Variants in DHX34 observed in about 807,000 individuals in gnomAD.
DHX34 encodes the protein DExH-box helicase 34, also known as probable ATP-dependent RNA helicase DHX34.
Under a neutral mutation model 111.1 loss-of-function variants are expected in DHX34, and 96 were observed. That is an observed-to-expected ratio of 0.86 (90% confidence interval 0.73 to 1.02). The LOEUF (loss-of-function observed/expected upper bound fraction) is 1.02, where lower values mean the gene tolerates loss of function less well. Ranked by LOEUF, DHX34 falls within the 50% of genes least tolerant of loss-of-function variation. The pLI, the probability that DHX34 is intolerant of heterozygous loss-of-function variation, is 0.00. For missense variants in DHX34, 1,560 were observed against 1,579.9 expected (o/e 0.99, Z 0.21); for synonymous variants, 688 against 670.4 (o/e 1.03, Z -0.41).
chr19:47,364,229 A>G (rs1010263708), intron 6 of DHX34, among the ~76,000 whole-genome samples: 1 of 151,928 alleles, frequency 6.6e-6, no homozygotes, highest in East Asian at 1.9e-4. Context: ...TGCACTCACC[A>G]CTCCTGGTCA....
rs750934101 is a variant in DHX34 at position 47,353,571 on chromosome 19, G to C, written c.541G>C (p.Val181Leu). 4 of 1,613,296 alleles carry C rather than the reference G, an allele frequency of 2.5e-6. No homozygotes were observed. The South Asian group carries it at 4.4e-5, about 18-fold the overall frequency. The change falls in exon 2 of 17, where the codon GTG becomes CTG. Residue 181 changes from valine (V) to leucine (L), a missense_variant. Val to Leu is a conservative substitution (Grantham distance 32). Coordinates refer to ENST00000328771, the MANE Select transcript of DHX34 (RefSeq NM_014681.6). The surrounding 1 kb of genome is among the most constrained non-coding windows in gnomAD (Gnocchi z 4.6). ...ILQTLKEHQV[V>L]VVAGDTGCGK... ...GCAGACGCTGAAGGAGCACCAGGTG[G>C]TGGTAGTGGCCGGTGACACCGGCTG...
chr19:47,362,591 C>CGGAGTCT lies in DHX34; in HGVS notation c.1493_1499dup (p.Cys500TrpfsTer13). 1 of 1,613,798 alleles carries CGGAGTCT rather than the reference C, an allele frequency of 6.2e-7. No homozygotes were observed. Among genetic ancestry groups the CGGAGTCT allele is most frequent in the South Asian group, 1.1e-5 (1 of 91,058 alleles). ...AGGGCCGGGCGGGCCGCACGGGCCC[C>CGGAGTCT]GGAGTCTGCTTCCGCCTCTATGCCG... On this transcript the variant is annotated frameshift_variant, in exon 6 of 17. Transcript: ENST00000328771. LOFTEE classifies it high-confidence loss of function.
chr19:47,361,037 G>A (rs887363980), intron 5 of DHX34, among the ~76,000 whole-genome samples: 3 of 152,176 alleles, frequency 2.0e-5, no homozygotes, highest in Non-Finnish European at 2.9e-5. Context: ...TGTTCTCTGG[G>A]AAGTCAGCAT....
At chr19:47,356,637 AAAAAGAAAG>A (rs1421064277) in intron 3 of DHX34, among the ~76,000 whole-genome samples, 2 of 151,642 alleles carry the variant, frequency 1.3e-5, no homozygotes, top group Non-Finnish European at 2.9e-5. Context: ...CAAAAAAAAA[AAAAAGAAAG>A]AAAAGAAAGA....
At chr19:47,374,021 C>T (rs561803254) in intron 9 of DHX34, among the ~76,000 whole-genome samples, 1 of 152,294 alleles carries the variant, frequency 6.6e-6, no homozygotes, top group African/African-American at 2.4e-5. Context: ...GGTTGGCCGG[C>T]ACATCTGGAG....
rs147969937 is a variant in DHX34, at chr19:47,358,028, G to A, written c.1180G>A (p.Val394Met). ...CAGCGGCATGGCGGAGATCAGCGCC[G>A]TGCTGGAGGCTGCCCAGACCTATGC... is the stretch of plus-strand genomic sequence containing the variant. ...FLSGMAEISA[V>M]LEAAQTYASH... The change falls in exon 4 of 17, where the codon GTG (valine) becomes ATG (methionine). Residue 394 changes from valine (V) to methionine (M), a missense_variant. Transcript: ENST00000328771. 112 of 1,613,470 alleles carry A rather than the reference G, an allele frequency of 6.9e-5. No individual in the cohort carries two copies. The African/African-American group carries it at 8.7e-4, about 12-fold the overall frequency.
intron 6 of DHX34, among the ~76,000 whole-genome samples, chr19:47,363,675 G>T (rs948399022): frequency 1.3e-5 from 2 of 151,968 alleles, no homozygotes; most frequent in Non-Finnish European, 2.9e-5. Flanking sequence ...AAAATTAGCC[G>T]GGTGTGGTGG....
At chr19:47,374,421 G>A (rs143838712) in intron 9 of DHX34, among the ~76,000 whole-genome samples, 113 of 137,152 alleles carry the variant, frequency 8.2e-4, no homozygotes, top group East Asian at 6.5e-3. Context: ...TGGGCAACAA[G>A]AGCGAAACTC....
chr19:47,356,671 G>T (rs902831885), intron 3 of DHX34, among the ~76,000 whole-genome samples: 1 of 151,674 alleles, frequency 6.6e-6, no homozygotes, highest in Admixed American at 6.6e-5. Context: ...GAGAGAGTGC[G>T]AGCCGAGTGT....
intron 11 of DHX34, 48 bp downstream of exon 11, chr19:47,376,145 A>G (rs1380170318): frequency 2.6e-6 from 4 of 1,519,540 alleles, no homozygotes; most frequent in East Asian, 4.5e-5. Flanking sequence ...CAACACACGA[A>G]CCCTGAGTGC....
Position 47,355,286 on chromosome 19 carries a change from T to C in DHX34, c.953T>C (p.Leu318Pro). The C allele has an allele frequency of 6.2e-7, 1 of 1,614,112 alleles. No homozygotes were observed. The highest frequency in any genetic ancestry group is 8.5e-7 in the Non-Finnish European group (1 of 1,180,032). Reference sequence around the variant, plus strand: ...ATGTCGGCCACCATCAACATCTCGCTCTTCTCCAGCTATTTCAGCAATGCC... The same window carrying C: ...ATGTCGGCCACCATCAACATCTCGCCCTTCTCCAGCTATTTCAGCAATGCC... ...ILMSATINISLFSSYFSNAPV... is the reference protein window; with the variant it reads ...ILMSATINISPFSSYFSNAPV... The change falls in exon 3 of 17, where the codon CTC (leucine) becomes CCC (proline). Residue 318 changes from leucine to proline, a missense_variant. Coordinates refer to ENST00000328771, the MANE Select transcript of DHX34 (RefSeq NM_014681.6).
At chr19:47,366,663 C>T (rs1969793712) in intron 6 of DHX34, among the ~76,000 whole-genome samples, 1 of 152,102 alleles carries the variant, frequency 6.6e-6, no homozygotes, top group African/African-American at 2.4e-5. Flanking sequence ...TTACTGCGAT[C>T]TCCACCTCCT....
chr19:47,363,158 G>C (rs1053096385), intron 6 of DHX34, among the ~76,000 whole-genome samples: 1 of 151,950 alleles, frequency 6.6e-6, no homozygotes, highest in African/African-American at 2.4e-5. Flanking sequence ...GTTACACCAT[G>C]TTAGCCAGGA....
intron 7 of DHX34, among the ~76,000 whole-genome samples, chr19:47,369,079 T>C (rs949285232): frequency 1.3e-5 from 2 of 152,190 alleles, no homozygotes; most frequent in Non-Finnish European, 2.9e-5. Context: ...GGTTTCATCA[T>C]GTTGGCCAGG....
At chr19:47,381,530 T>C in intron 16 of DHX34, 1 of 684,908 alleles carries the variant, frequency 1.5e-6, no homozygotes, top group South Asian at 2.1e-5. Flanking sequence ...TCTTTCTGTC[T>C]GCCTGTCCCC....
Position 47,373,614 on chromosome 19 carries a change from A to C in DHX34, c.1978A>C (p.Ser660Arg). 6.2e-7 allele frequency: 1 copy of C among 1,613,794 alleles called. No homozygotes were observed. The highest frequency in any genetic ancestry group is 8.5e-7 in the Non-Finnish European group (1 of 1,179,930). ...CTCCACCCAGGTGAAATCTGAACGG[A>C]GCAGAAACTCTCGCAAGTGGTGCCG... ...NAWVQVKSER[S>R]RNSRKWCRRR... Residue 660 changes from serine to arginine, a missense_variant, in exon 9 of 17, where the codon AGC becomes CGC. Ser to Arg is a moderately radical substitution (Grantham distance 110). Coordinates refer to ENST00000328771, the MANE Select transcript of DHX34 (RefSeq NM_014681.6).
rs568768886 is a variant in DHX34, at chr19:47,357,751, C to T, written c.1018-115C>T. On this transcript the variant is annotated intron_variant, in intron 3 of 16. Transcript: ENST00000328771. ...GTTGCCCACCAGCCTGGACCCGTTG[C>T]ACTGTGTCTTCTCCGTTAGCCTGTG... 59 of 1,460,054 alleles carry T rather than the reference C, an allele frequency of 4.0e-5. 1 individual carries two copies. In the South Asian group the frequency reaches 6.1e-4, roughly 15 times the overall value. The allele number at this position is 1,460,054 out of a possible 1,614,324, so 90.4% of individuals were successfully genotyped here.
intron 7 of DHX34, among the ~76,000 whole-genome samples, chr19:47,369,722 AG>A (rs774872236): frequency 8.6e-5 from 13 of 151,988 alleles, no homozygotes; most frequent in Non-Finnish European, 1.3e-4. Context: ...GGCCTGAAGG[AG>A]GGGAGGGGAC....
At chr19:47,355,913 A>C (rs1333320622) in intron 3 of DHX34, among the ~76,000 whole-genome samples, 1 of 151,694 alleles carries the variant, frequency 6.6e-6, no homozygotes, top group African/African-American at 2.4e-5. Context: ...TCTCTCATAT[A>C]ACAGTGTGGC....
Sources: gnomAD v4.1 joint callset for allele counts (sites outside exome capture counted in the v4.1 genomes callset) on GRCh38, gnomAD v4.1.1 for gene constraint, Gnocchi (gnomAD v3.1) non-coding constraint, MANE v1.5 for transcripts, NCBI Gene and HGNC (gene_info 2026-07-23, HGNC 2026-07-21) for gene names.